NEK1: variants seen among roughly 807,000 people sequenced by gnomAD.
NEK1 encodes serine/threonine-protein kinase Nek1.
A neutral mutation model predicts 182.1 loss-of-function variants in NEK1; 137 were observed. That is an observed-to-expected ratio of 0.75 (90% CI 0.65 to 0.87). NEK1 has a LOEUF of 0.87. Among genes scored for constraint, NEK1 ranks in the 40% least tolerant of loss-of-function variants. The pLI is 0.00. For missense variants in NEK1, 1,391 were observed against 1,494.4 expected (o/e 0.93, Z 1.14); for synonymous variants, 513 against 492.2 (o/e 1.04, Z -0.56).
intron 30 of NEK1, 118 bp from the exon 31 acceptor site, chr4:169,424,918 A>G (rs1385484873): frequency 9.7e-7 from 1 of 1,031,894 alleles, no homozygotes; most frequent in African/African-American, 1.6e-5. Flanking sequence ...TATCAGGAAA[A>G]TAAAATCAAA....
intron 5 of NEK1, among the ~76,000 whole-genome samples, chr4:169,592,196 T>C (rs1329711990): frequency 6.6e-6 from 1 of 152,216 alleles, no homozygotes; most frequent in Non-Finnish European, 1.5e-5. Flanking sequence ...TAAATTCACA[T>C]ACCATTTGAA....
intron 27 of NEK1, among the ~76,000 whole-genome samples, chr4:169,458,756 G>T (rs563488081): frequency 3.3e-5 from 5 of 151,250 alleles, no homozygotes; most frequent in Admixed American, 2.0e-4. Context: ...TGGGCCCAGG[G>T]AGGTTGAGGC....
chr4:169,599,263 G>GT, intron 4 of NEK1, 66 bp from the exon 5 acceptor site: 1 of 1,194,066 alleles, frequency 8.4e-7, no homozygotes, highest in Non-Finnish European at 1.2e-6. Flanking sequence ...TAAATTAAAA[G>GT]TACTTAAAAG....
intron 23 of NEK1, among the ~76,000 whole-genome samples, chr4:169,497,575 A>G (rs1233590414): frequency 6.6e-6 from 1 of 152,056 alleles, no homozygotes; most frequent in Non-Finnish European, 1.5e-5. Context: ...CACTGCTTTG[A>G]GTGTGTCCCA....
chr4:169,531,727 G>C (rs2149792003), intron 19 of NEK1, among the ~76,000 whole-genome samples: 1 of 152,212 alleles, frequency 6.6e-6, no homozygotes, highest in African/African-American at 2.4e-5. Context: ...ACAGTCACTA[G>C]TTCAGTTACA....
intron 5 of NEK1, among the ~76,000 whole-genome samples, chr4:169,595,650 G>A (rs987740417): frequency 2.0e-4 from 30 of 152,154 alleles, no homozygotes; most frequent in African/African-American, 6.5e-4. Flanking sequence ...CAGGCTGGGC[G>A]CAGTGGCTCA....
intron 10 of NEK1, among the ~76,000 whole-genome samples, chr4:169,584,376 C>T (rs1402621136): frequency 6.6e-6 from 1 of 152,076 alleles, no homozygotes; most frequent in African/African-American, 2.4e-5. Flanking sequence ...CTTTGGGAGG[C>T]CAAGGTGGAC....
rs1580738907 is a variant in NEK1 at position 169,556,113 on chromosome 4, A to C, written c.1267-18T>G. The C allele has an allele frequency of 6.2e-7, 1 of 1,603,450 alleles. No homozygotes were observed. The highest frequency in any genetic ancestry group is 1.3e-5 in the African/African-American group (1 of 74,416). ...AAAGGAGCCTAGGGATTAAACAAAG[A>C]GCTCTCACATGTTTATCTTATAAGG... On this transcript the variant is annotated intron_variant, in intron 16 of 35. Transcript: ENST00000507142.
At chr4:169,409,327 G>C (rs1733227066) in intron 31 of NEK1, among the ~76,000 whole-genome samples, 1 of 151,926 alleles carries the variant, frequency 6.6e-6, no homozygotes, top group African/African-American at 2.4e-5. Context: ...TGTATTTTTA[G>C]TAGAGACGGG....
intron 11 of NEK1, among the ~76,000 whole-genome samples, chr4:169,577,976 G>T (rs1227886753): frequency 6.6e-6 from 1 of 151,816 alleles, no homozygotes; most frequent in Non-Finnish European, 1.5e-5. Flanking sequence ...CCACAGAATG[G>T]GTACCTTAAA....
Position 169,608,116 on chromosome 4 carries a change from T to TACAC in NEK1, c.-49+3900_-49+3903dup, listed in dbSNP as rs57287742. On this transcript the variant is annotated intron_variant, in intron 2 of 35. Transcript: ENST00000507142. Reference sequence around the variant, plus strand: ...TTTAAAGTTCAGACACACACACACATACACACACACACACACACACACAAA... The same window carrying TACAC: ...TTTAAAGTTCAGACACACACACACATACACACACACACACACACACACACACAAA... Among the ~76,000 whole-genome samples the TACAC allele has an allele frequency of 8.5e-3, 1,257 of 148,080 alleles. 7 individuals are homozygous for TACAC. The highest frequency in any genetic ancestry group is 0.03 in the East Asian group (152 of 5,032).
chr4:169,557,586 A>G (rs1762335740), intron 16 of NEK1, among the ~76,000 whole-genome samples: 1 of 152,128 alleles, frequency 6.6e-6, no homozygotes, highest in Admixed American at 6.5e-5. Flanking sequence ...TAATGAGAGT[A>G]AAAAAGGGAA....
chr4:169,507,864 T>C, intron 21 of NEK1, 72 bp from the exon 22 acceptor site: 1 of 1,068,884 alleles, frequency 9.4e-7, no homozygotes, highest in Non-Finnish European at 1.4e-6. Flanking sequence ...CTGTGAAAGA[T>C]AACAATGAAT....
intron 18 of NEK1, among the ~76,000 whole-genome samples, chr4:169,552,032 C>T (rs1045775599): frequency 2.0e-5 from 3 of 151,946 alleles, no homozygotes; most frequent in African/African-American, 7.2e-5. Context: ...GATTAAATGC[C>T]TTTCAGTAAA....
chr4:169,396,297 C>G (rs957602620), intron 35 of NEK1, among the ~76,000 whole-genome samples: 1 of 124,040 alleles, frequency 8.1e-6, no homozygotes, highest in Non-Finnish European at 1.6e-5. Flanking sequence ...ACCTGGGAGG[C>G]AGAGGTTGCA....
chr4:169,459,125 A>G (rs1050197464), intron 27 of NEK1, among the ~76,000 whole-genome samples: 2 of 152,182 alleles, frequency 1.3e-5, no homozygotes, highest in South Asian at 2.1e-4. Context: ...TGCAAAAGAC[A>G]TATTTGATAA....
intron 26 of NEK1, among the ~76,000 whole-genome samples, chr4:169,471,704 G>A (rs752137705): frequency 1.3e-5 from 2 of 152,186 alleles, no homozygotes; most frequent in African/African-American, 2.4e-5. Context: ...GAAAGTTTAA[G>A]TCTGTTGAAG....
intron 2 of NEK1, among the ~76,000 whole-genome samples, chr4:169,604,233 A>T (rs962250934): frequency 1.1e-4 from 16 of 152,214 alleles, no homozygotes; most frequent in Admixed American, 3.9e-4. Context: ...ATCACACTTA[A>T]ACCCTTACCA....
At position 169,395,090 on chromosome 4, in the gene NEK1, C is replaced by T. The variant is rs1009943077; in HGVS notation, c.3848-567G>A. Among the ~76,000 whole-genome samples, 5 of 152,202 alleles carry T rather than the reference C, an allele frequency of 3.3e-5. No individual in the cohort carries two copies. In the South Asian group the frequency reaches 6.2e-4, roughly 19 times the overall value. ...ATAACTAACCATTACTATTTATAGA[C>T]ATTTTTGTTATTTTCAATTTTTTTA... On this transcript the variant is annotated intron_variant, in intron 35 of 35. Transcript: ENST00000507142.
Sources: allele counts gnomAD v4.1 joint callset (sites outside exome capture counted in the v4.1 genomes callset), GRCh38; gene constraint gnomAD v4.1.1; transcripts MANE v1.5; gene names NCBI Gene and HGNC (gene_info 2026-07-23, HGNC 2026-07-21).